Variants in RIMS2 observed in about 807,000 individuals in gnomAD.
RIMS2 encodes regulating synaptic membrane exocytosis 2, also known as regulating synaptic membrane exocytosis protein 2.
A neutral mutation model predicts 174.4 loss-of-function variants in RIMS2; 59 were observed. That is an observed-to-expected ratio of 0.34 (90% CI 0.27 to 0.42). The LOEUF (loss-of-function observed/expected upper bound fraction) is 0.42, where lower values mean the gene tolerates loss of function less well. Among genes scored for constraint, RIMS2 ranks in the 10% least tolerant of loss-of-function variants. The pLI, the probability that RIMS2 is intolerant of heterozygous loss-of-function variation, is 1.00. For synonymous variants in RIMS2, 606 were observed against 572.5 expected (o/e 1.06, Z -0.84); for missense variants, 1,620 against 1,666.3 (o/e 0.97, Z 0.48).
chr8:103,509,448 C>T (rs1416686994), intron 1 of RIMS2, among the ~76,000 whole-genome samples: 2 of 151,986 alleles, frequency 1.3e-5, no homozygotes, highest in Admixed American at 6.6e-5. Context: ...GGACAAATTT[C>T]CTTCCCTGTA....
intron 4 of RIMS2, among the ~76,000 whole-genome samples, chr8:103,904,013 A>G (rs147279007): frequency 0.016 from 2,409 of 152,224 alleles, 55 homozygotes; most frequent in African/African-American, 0.051. Context: ...ATATGGATTC[A>G]TATAACCACC....
chr8:103,571,526 A>G (rs2092804244), intron 1 of RIMS2, among the ~76,000 whole-genome samples: 1 of 152,210 alleles, frequency 6.6e-6, no homozygotes, highest in South Asian at 2.1e-4. Flanking sequence ...ATTGTTTGAC[A>G]CACAGATTTC....
At chr8:104,023,369 G>A (rs2096160661) in intron 19 of RIMS2, among the ~76,000 whole-genome samples, 1 of 151,822 alleles carries the variant, frequency 6.6e-6, no homozygotes, top group Non-Finnish European at 1.5e-5. Flanking sequence ...AGGGAACATT[G>A]TTAGAAGGTT....
intron 1 of RIMS2, among the ~76,000 whole-genome samples, chr8:103,582,853 T>TG (rs918242784): frequency 6.6e-6 from 1 of 152,148 alleles, no homozygotes; most frequent in African/African-American, 2.4e-5. Flanking sequence ...ACCTGGGGCC[T>TG]GGGGGACCTC....
chr8:104,036,220 G>C (rs1301698465), intron 19 of RIMS2, among the ~76,000 whole-genome samples: 2 of 151,388 alleles, frequency 1.3e-5, no homozygotes, highest in Non-Finnish European at 2.9e-5. Flanking sequence ...GTGCATTCTC[G>C]GCTCACTGCA....
At chr8:103,644,765 C>T (rs1219101385) in intron 1 of RIMS2, among the ~76,000 whole-genome samples, 1 of 151,164 alleles carries the variant, frequency 6.6e-6, no homozygotes, top group Non-Finnish European at 1.5e-5. Flanking sequence ...TTATACATTT[C>T]ATATATAGAT....
At chr8:103,726,607 G>T (rs1407820609) in intron 2 of RIMS2, among the ~76,000 whole-genome samples, 2 of 151,052 alleles carry the variant, frequency 1.3e-5, no homozygotes, top group Non-Finnish European at 2.9e-5. Flanking sequence ...GGGAAGAATT[G>T]TCATCTTTAT....
At chr8:103,564,485 C>T (rs1005550334) in intron 1 of RIMS2, among the ~76,000 whole-genome samples, 2 of 152,152 alleles carry the variant, frequency 1.3e-5, no homozygotes, top group Non-Finnish European at 2.9e-5. Context: ...GGAAGCCAGT[C>T]TGAGTCCCAA....
intron 19 of RIMS2, among the ~76,000 whole-genome samples, chr8:104,188,475 G>A (rs180780598): frequency 6.6e-6 from 1 of 151,446 alleles, no homozygotes; most frequent in Admixed American, 6.6e-5. Flanking sequence ...TAGGCTTATA[G>A]AATTTCCTAG....
At chr8:104,219,712 A>G (rs893525270) in intron 19 of RIMS2, among the ~76,000 whole-genome samples, 1 of 152,128 alleles carries the variant, frequency 6.6e-6, no homozygotes, top group Non-Finnish European at 1.5e-5. Flanking sequence ...TTCTCTATAA[A>G]TTAATTGGAA....
At chr8:103,600,650 C>T (rs2133733348) in intron 1 of RIMS2, among the ~76,000 whole-genome samples, 1 of 152,300 alleles carries the variant, frequency 6.6e-6, no homozygotes, top group South Asian at 2.1e-4. Flanking sequence ...AGTGCTACAA[C>T]AAACATAGGA....
At chr8:103,875,591 T>A (rs1194665363) in intron 3 of RIMS2, among the ~76,000 whole-genome samples, 1 of 152,062 alleles carries the variant, frequency 6.6e-6, no homozygotes, top group Non-Finnish European at 1.5e-5. Context: ...GTCTTTTTAA[T>A]ATAATGACTT....
At chr8:103,854,678 T>C (rs1225377117) in intron 3 of RIMS2, among the ~76,000 whole-genome samples, 2 of 152,066 alleles carry the variant, frequency 1.3e-5, no homozygotes, top group Non-Finnish European at 2.9e-5. Flanking sequence ...TATTGATTTG[T>C]GTATCTTGAA....
intron 19 of RIMS2, among the ~76,000 whole-genome samples, chr8:104,243,303 G>A (rs910855419): frequency 2.0e-5 from 3 of 152,204 alleles, no homozygotes; most frequent in Non-Finnish European, 4.4e-5. Flanking sequence ...ATTTAAAGCA[G>A]TATTTCAAAA....
chr8:103,738,496 C>G (rs1348064778), intron 2 of RIMS2, among the ~76,000 whole-genome samples: 6 of 152,070 alleles, frequency 3.9e-5, no homozygotes, highest in Non-Finnish European at 7.4e-5. Flanking sequence ...TCTAAAACAC[C>G]AAAAGCAATA....
At chr8:104,156,723 T>G (rs185429105) in intron 19 of RIMS2, among the ~76,000 whole-genome samples, 1 of 152,308 alleles carries the variant, frequency 6.6e-6, no homozygotes, top group Admixed American at 6.5e-5. Context: ...ACTACTGACC[T>G]AGTATGTAAC....
chr8:104,122,586 G>C (rs1486944352), intron 19 of RIMS2, among the ~76,000 whole-genome samples: 1 of 152,156 alleles, frequency 6.6e-6, no homozygotes, highest in Non-Finnish European at 1.5e-5. Flanking sequence ...AGTGGATGAA[G>C]AGTAAAAGAT....
intron 19 of RIMS2, among the ~76,000 whole-genome samples, chr8:104,080,091 G>T (rs890098915): frequency 6.6e-6 from 1 of 152,058 alleles, no homozygotes; most frequent in African/African-American, 2.4e-5. Flanking sequence ...ATAGTGGAAA[G>T]AATACTGAGA....
intron 17 of RIMS2, among the ~76,000 whole-genome samples, chr8:104,001,221 T>G (rs1438059649): frequency 1.3e-5 from 2 of 151,886 alleles, no homozygotes; most frequent in African/African-American, 2.4e-5. Context: ...TTTTAAAATA[T>G]CTGGAAGAGA....
Sources: gnomAD v4.1 joint callset for allele counts (sites outside exome capture counted in the v4.1 genomes callset) on GRCh38, gnomAD v4.1.1 for gene constraint, MANE v1.5 for transcripts, NCBI Gene and HGNC (gene_info 2026-07-23, HGNC 2026-07-21) for gene names.